EEA1: variants seen among roughly 807,000 people sequenced by gnomAD.
EEA1 encodes the protein early endosome antigen 1.
EEA1 carries 111 observed loss-of-function variants against 209.2 expected under a neutral mutation model. The observed-to-expected ratio is 0.53, with a 90% confidence interval of 0.45 to 0.62. The LOEUF (loss-of-function observed/expected upper bound fraction) is 0.62. Among genes scored for constraint, EEA1 ranks in the 20% least tolerant of loss-of-function variants. The probability of loss-of-function intolerance (pLI) is 0.00; values close to 1 mark genes in which losing one functional copy is unlikely to be tolerated. For synonymous variants in EEA1, 536 were observed against 540.6 expected, an observed-to-expected ratio of 0.99 and a Z score of 0.12; for missense variants, 1,343 against 1,530.8, an observed-to-expected ratio of 0.88 and a Z score of 2.05.
At chr12:92,903,411 A>C (rs1411152059) in intron 1 of EEA1, among the ~76,000 whole-genome samples, 1 of 151,764 alleles carries the variant, frequency 6.6e-6, no homozygotes, top group Non-Finnish European at 1.5e-5. Flanking sequence ...CAGCCTGACC[A>C]ACAAGGAGAA....
At chr12:92,906,587 C>T (rs1592771248) in intron 1 of EEA1, among the ~76,000 whole-genome samples, 2 of 152,066 alleles carry the variant, frequency 1.3e-5, no homozygotes, top group African/African-American at 2.4e-5. Context: ...CCGAGGCGGG[C>T]GGATCACGAG....
intron 5 of EEA1, among the ~76,000 whole-genome samples, chr12:92,855,035 GCTT>G (rs1158940362): frequency 6.6e-6 from 1 of 152,132 alleles, no homozygotes; most frequent in Non-Finnish European, 1.5e-5. Flanking sequence ...TTCAAATCAT[GCTT>G]CTTATTACAA....
intron 2 of EEA1, among the ~76,000 whole-genome samples, chr12:92,866,422 C>T (rs778454444): frequency 1.3e-4 from 19 of 151,490 alleles, no homozygotes; most frequent in African/African-American, 4.1e-4. Context: ...AGTGGTGCTT[C>T]GGCACTGTAA....
intron 1 of EEA1, among the ~76,000 whole-genome samples, chr12:92,904,851 A>G (rs1880305212): frequency 6.6e-6 from 1 of 152,222 alleles, no homozygotes; most frequent in African/African-American, 2.4e-5. Flanking sequence ...CAGCACATGA[A>G]TGCATTCGAC....
intron 19 of EEA1, 117 bp downstream of exon 19, chr12:92,802,287 C>A: frequency 1.1e-6 from 1 of 918,680 alleles, no homozygotes; most frequent in Non-Finnish European, 1.6e-6. Flanking sequence ...CTCATAAGAA[C>A]TACTTTAAAC....
At chr12:92,813,990 C>A (rs543994484) in intron 15 of EEA1, among the ~76,000 whole-genome samples, 6 of 150,620 alleles carry the variant, frequency 4.0e-5, no homozygotes, top group African/African-American at 1.2e-4. Flanking sequence ...TCCAGCCTGG[C>A]GACAGAGCAA....
At chr12:92,783,943 T>C (rs1021634927) in intron 22 of EEA1, among the ~76,000 whole-genome samples, 3 of 151,974 alleles carry the variant, frequency 2.0e-5, no homozygotes, top group African/African-American at 7.3e-5. Context: ...ATGAAATAAA[T>C]AAATAAAGAT....
At chr12:92,896,716 G>A (rs564392608) in intron 1 of EEA1, among the ~76,000 whole-genome samples, 4 of 151,888 alleles carry the variant, frequency 2.6e-5, no homozygotes, top group East Asian at 3.9e-4. Flanking sequence ...CAGGAGAATC[G>A]CTTGAATCCG....
chr12:92,873,713 A>G (rs559537816), intron 2 of EEA1, among the ~76,000 whole-genome samples: 2 of 152,330 alleles, frequency 1.3e-5, no homozygotes, highest in Admixed American at 6.5e-5. Flanking sequence ...CTTAGTAGCT[A>G]TGAGACCTTC....
chr12:92,851,492 T>C (rs1457117551), intron 8 of EEA1, among the ~76,000 whole-genome samples: 1 of 152,132 alleles, frequency 6.6e-6, no homozygotes, highest in East Asian at 1.9e-4. Flanking sequence ...TATAGTAAAT[T>C]CACAATTATC....
chr12:92,786,124 C>G (rs1246215678), intron 22 of EEA1, among the ~76,000 whole-genome samples: 1 of 152,064 alleles, frequency 6.6e-6, no homozygotes, highest in African/African-American at 2.4e-5. Context: ...CAAATTCATC[C>G]ACTTTTCTCC....
intron 21 of EEA1, among the ~76,000 whole-genome samples, chr12:92,789,776 C>T (rs1874313128): frequency 1.3e-5 from 2 of 152,314 alleles, no homozygotes; most frequent in African/African-American, 4.8e-5. Flanking sequence ...GTGGTTCTCC[C>T]AGCATGGCGT....
chr12:92,783,346 G>A (rs1873989257), intron 22 of EEA1, among the ~76,000 whole-genome samples: 1 of 152,198 alleles, frequency 6.6e-6, no homozygotes. Flanking sequence ...GGTCACAGAA[G>A]TCTTCTGTGT....
At chr12:92,833,429 T>C (rs1164737821) in intron 10 of EEA1, among the ~76,000 whole-genome samples, 2 of 152,204 alleles carry the variant, frequency 1.3e-5, no homozygotes, top group Non-Finnish European at 2.9e-5. Context: ...CCTTAAATTT[T>C]GTCATTTTTC....
chr12:92,776,756 A>C, intron 28 of EEA1, 88 bp downstream of exon 28: 1 of 1,214,570 alleles, frequency 8.2e-7, no homozygotes, highest in Non-Finnish European at 1.2e-6. Flanking sequence ...TTATTCTGTC[A>C]AATGAAGGAC....
At chr12:92,831,145 A>C (rs538498427) in intron 11 of EEA1, among the ~76,000 whole-genome samples, 1 of 152,276 alleles carries the variant, frequency 6.6e-6, no homozygotes, top group East Asian at 1.9e-4. Context: ...TTACTAAAGG[A>C]TAGAAAGCCA....
At chr12:92,824,063 C>T (rs1418440217) in intron 13 of EEA1, among the ~76,000 whole-genome samples, 3 of 152,170 alleles carry the variant, frequency 2.0e-5, no homozygotes, top group Non-Finnish European at 4.4e-5. Context: ...TGCAAATCAC[C>T]CTAATCAAGG....
chr12:92,887,485 AAACAACAAC>A (rs888682909), intron 2 of EEA1, among the ~76,000 whole-genome samples: 1 of 152,068 alleles, frequency 6.6e-6, no homozygotes, highest in Admixed American at 6.5e-5. Flanking sequence ...TCTCTACCAA[AAACAACAAC>A]AACAACAACA....
intron 9 of EEA1, among the ~76,000 whole-genome samples, chr12:92,850,288 C>G (rs1877554856): frequency 6.6e-6 from 1 of 152,180 alleles, no homozygotes; most frequent in Admixed American, 6.5e-5. Flanking sequence ...CACCACCTAG[C>G]AAGGATTGTG....
Sources: gnomAD v4.1 joint callset for allele counts (sites outside exome capture counted in the v4.1 genomes callset) on GRCh38, gnomAD v4.1.1 for gene constraint, MANE v1.5 for transcripts, NCBI Gene and HGNC (gene_info 2026-07-23, HGNC 2026-07-21) for gene names.